The following ITIH5 variants were observed in gnomAD, a reference collection of about 807,000 sequenced individuals.
The protein encoded by ITIH5 is inter-alpha-trypsin inhibitor heavy chain 5, also known as inter-alpha-trypsin inhibitor heavy chain H5.
ITIH5 carries 65 observed loss-of-function variants against 77.5 expected under a neutral mutation model. The observed-to-expected ratio is 0.84, with a 90% confidence interval of 0.69 to 1.03. ITIH5 has a LOEUF of 1.03. Ranked by LOEUF, ITIH5 falls within the 50% of genes least tolerant of loss-of-function variation. ITIH5 has a pLI of 0.00. For missense variants in ITIH5, 1,208 were observed against 1,213.1 expected (o/e 1.00, Z 0.06); for synonymous variants, 525 against 494.3 (o/e 1.06, Z -0.82).
intron 7 of ITIH5, among the ~76,000 whole-genome samples, chr10:7,605,120 T>C (rs1833096705): frequency 6.6e-6 from 1 of 151,832 alleles, no homozygotes; most frequent in South Asian, 2.1e-4. Context: ...CTGGGCTTTG[T>C]CTATTCTGTT....
At chr10:7,651,764 C>T (rs1165355215) in intron 2 of ITIH5, among the ~76,000 whole-genome samples, 1 of 152,196 alleles carries the variant, frequency 6.6e-6, no homozygotes, top group Admixed American at 6.5e-5. Context: ...TACTACCCTG[C>T]CTTGCCCATT....
rs149658316 is a variant in ITIH5 at position 7,651,091 on chromosome 10, T to C, written c.135+4540A>G. 8.9e-4 allele frequency among the ~76,000 whole-genome samples: 132 copies of C among 148,958 alleles called. 1 individual carries two copies. Among genetic ancestry groups the C allele is most frequent in the African/African-American group, 3.2e-3 (130 of 40,498 alleles). On this transcript the variant is annotated intron_variant, in intron 2 of 13. Transcript: ENST00000397146. ...CAATGAGGTATGATGCCCAGAGTCA[T>C]GCTACCTGCTGTATTGACTGTATTT...
chr10:7,573,113 T>A, intron 11 of ITIH5, 29 bp downstream of exon 11: 1 of 1,603,416 alleles, frequency 6.2e-7, no homozygotes, highest in Non-Finnish European at 8.5e-7. Flanking sequence ...TTACTCTCAA[T>A]CCACACACAA....
At chr10:7,567,584 C>T (rs1222754216) in intron 12 of ITIH5, among the ~76,000 whole-genome samples, 10 of 151,474 alleles carry the variant, frequency 6.6e-5, no homozygotes, top group Admixed American at 2.6e-4. Flanking sequence ...TGAGAACATG[C>T]GGTGTTTGGT....
chr10:7,589,179 C>T (rs560352314), intron 7 of ITIH5, among the ~76,000 whole-genome samples: 56 of 152,302 alleles, frequency 3.7e-4, no homozygotes, highest in Admixed American at 1.1e-3. Flanking sequence ...ACTCAGGTGC[C>T]GGGCGCAGTG....
At chr10:7,655,546 A>G in intron 2 of ITIH5, 85 bp downstream of exon 2, 1 of 1,074,000 alleles carries the variant, frequency 9.3e-7, no homozygotes, top group Non-Finnish European at 1.4e-6. Flanking sequence ...GTTTTGGAGG[A>G]TCTGCAAGCA....
chr10:7,605,623 C>T (rs1833108797), intron 7 of ITIH5, among the ~76,000 whole-genome samples: 1 of 151,874 alleles, frequency 6.6e-6, no homozygotes, highest in Non-Finnish European at 1.5e-5. Context: ...AGCTGAGTGA[C>T]AGTCAGGTGT....
intron 7 of ITIH5, among the ~76,000 whole-genome samples, chr10:7,608,907 G>A (rs1399264462): frequency 6.6e-6 from 1 of 152,178 alleles, no homozygotes; most frequent in Non-Finnish European, 1.5e-5. Flanking sequence ...GCACCTCTTT[G>A]AGTAGGTGAC....
intron 12 of ITIH5, 56 bp downstream of exon 12, chr10:7,569,612 G>T (rs1233145570): frequency 1.8e-6 from 2 of 1,084,186 alleles, no homozygotes; most frequent in Non-Finnish European, 1.3e-6. Context: ...GAACAGAGGG[G>T]GATGCAGTAC....
intron 11 of ITIH5, chr10:7,572,352 T>TATGA: frequency 7.3e-7 from 1 of 1,367,544 alleles, no homozygotes. Context: ...CAAAAGGAAA[T>TATGA]TTCATGACAT....
intron 7 of ITIH5, among the ~76,000 whole-genome samples, chr10:7,598,523 G>A (rs959729054): frequency 2.6e-5 from 4 of 152,062 alleles, no homozygotes; most frequent in African/African-American, 7.2e-5. Context: ...TTTCTTCAAT[G>A]AAGCAAAATC....
chr10:7,663,813 G>A (rs770274248), intron 1 of ITIH5, among the ~76,000 whole-genome samples: 13 of 152,074 alleles, frequency 8.5e-5, no homozygotes, highest in African/African-American at 3.1e-4. Context: ...CAGGCAGTCC[G>A]GCACCACATG....
At position 7,586,033 on chromosome 10, in the gene ITIH5, G is replaced by A. The variant is rs774343164; in HGVS notation, c.976C>T (p.Arg326Ter). Residue 326 changes from arginine to a stop codon, truncating the protein, a stop_gained, in exon 8 of 14, where the codon CGA becomes TGA. Coordinates refer to ENST00000397146, the MANE Select transcript of ITIH5 (RefSeq NM_030569.7). LOFTEE classifies it high-confidence loss of function. ...ATGATACTGAAACGGTCCTGGGGTC[G>A]GAGGTCATGGAGAATTGTGAAGAGG... is the stretch of plus-strand genomic sequence containing the variant. ...DALFTILHDL[R>*]PQDRFSIIGF... The A allele has an allele frequency of 2.5e-5, 41 of 1,613,668 alleles. No individual in the cohort carries two copies. The highest frequency in any genetic ancestry group is 2.5e-4 in the East Asian group (11 of 44,874).
intron 7 of ITIH5, among the ~76,000 whole-genome samples, chr10:7,588,719 G>A (rs1832731695): frequency 6.6e-6 from 1 of 152,216 alleles, no homozygotes; most frequent in African/African-American, 2.4e-5. Context: ...GGATGATGAT[G>A]ACGACGCTGA....
chr10:7,581,857 C>CG lies in ITIH5; in HGVS notation c.1109-1794dup, dbSNP rs1420958558. On this transcript the variant is annotated intron_variant, in intron 8 of 13. Coordinates refer to ENST00000397146, the MANE Select transcript of ITIH5 (RefSeq NM_030569.7). ...GACTACAGGCATGAGCCACCATGCC[C>CG]GGCCACCCATGTATTTTTTTTTTTT... Among the ~76,000 whole-genome samples the CG allele has an allele frequency of 3.4e-5, 5 of 145,752 alleles. No individual in the cohort carries two copies. In the Admixed American group the frequency reaches 3.5e-4, roughly 10 times the overall value.
At chr10:7,590,272 C>T (rs1196214919) in intron 7 of ITIH5, among the ~76,000 whole-genome samples, 1 of 152,218 alleles carries the variant, frequency 6.6e-6, no homozygotes, top group Non-Finnish European at 1.5e-5. Flanking sequence ...CATCCTTCAA[C>T]ACCACCCTGG....
chr10:7,619,632 A>T (rs114545487), intron 5 of ITIH5: 1 of 377,808 alleles, frequency 2.6e-6, no homozygotes, highest in African/African-American at 2.1e-5. Context: ...CGCAGAAGGC[A>T]AACGCAAAGC....
chr10:7,644,956 C>CACATATAT lies in ITIH5; in HGVS notation c.136-2867_136-2866insATATATGT, dbSNP rs1564278652. ...ATATATCACATATATATATATCACA[C>CACATATAT]ATATATATATATATATCAAGCACAC... is the stretch of plus-strand genomic sequence containing the variant. On this transcript the variant is annotated intron_variant, in intron 2 of 13. Transcript: ENST00000397146. Among the ~76,000 whole-genome samples the CACATATAT allele has an allele frequency of 1.6e-4, 6 of 37,342 alleles. 1 individual carries two copies. Among genetic ancestry groups the CACATATAT allele is most frequent in the African/African-American group, 7.4e-4 (6 of 8,152 alleles). 24.5% of individuals were successfully genotyped at this position (37,342 alleles called of 152,430 possible).
Position 7,585,832 on chromosome 10 carries a change from AAAAAAAAAC to A in ITIH5, c.1108+60_1108+68del, listed in dbSNP as rs1369775814. 1.1e-3 allele frequency: 1,499 copies of A among 1,415,790 alleles called. 17 individuals are homozygous for A. In the African/African-American group the frequency reaches 0.017, roughly 16 times the overall value. 87.7% of individuals were successfully genotyped at this position (1,415,790 alleles called of 1,614,324 possible). ...CAAATCCTTATCTCTTGGCAAAAAA[AAAAAAAAAC>A]CAAAAAAAAAAACATTATTTCAAAG... On this transcript the variant is annotated intron_variant, in intron 8 of 13. Transcript: ENST00000397146.
Sources: allele counts gnomAD v4.1 joint callset (sites outside exome capture counted in the v4.1 genomes callset), GRCh38; gene constraint gnomAD v4.1.1; transcripts MANE v1.5; gene names NCBI Gene and HGNC (gene_info 2026-07-23, HGNC 2026-07-21).